The following ERBB4 variants were observed in gnomAD, a reference collection of about 807,000 sequenced individuals.
The protein encoded by ERBB4 is erb-b2 receptor tyrosine kinase 4.
ERBB4 carries 42 observed loss-of-function variants against 158.0 expected under a neutral mutation model. That is an observed-to-expected ratio of 0.27 (90% CI 0.21 to 0.34). The LOEUF is 0.34. ERBB4 is among the 10% of genes least tolerant of loss of function. The pLI is 1.00. For missense variants in ERBB4, 1,333 were observed against 1,624.1 expected (o/e 0.82, Z 3.08); for synonymous variants, 583 against 558.7 (o/e 1.04, Z -0.61).
At chr2:211,557,096 C>T (rs960668455) in intron 20 of ERBB4, among the ~76,000 whole-genome samples, 5 of 152,122 alleles carry the variant, frequency 3.3e-5, no homozygotes, top group African/African-American at 4.8e-5. Context: ...CTTCCTTACA[C>T]CATATACAAA....
At chr2:212,298,599 G>T (rs1468458258) in intron 1 of ERBB4, among the ~76,000 whole-genome samples, 2 of 151,588 alleles carry the variant, frequency 1.3e-5, no homozygotes, top group Non-Finnish European at 3.0e-5. Flanking sequence ...ACTACCTGAG[G>T]AACTCACTAC....
chr2:211,403,359 A>T (rs1053784619), intron 25 of ERBB4, among the ~76,000 whole-genome samples: 1 of 152,138 alleles, frequency 6.6e-6, no homozygotes, highest in Non-Finnish European at 1.5e-5. Context: ...AATTCATTCA[A>T]GCCCTTCTTC....
intron 16 of ERBB4, among the ~76,000 whole-genome samples, chr2:211,642,107 G>A (rs1479607412): frequency 6.6e-6 from 1 of 151,978 alleles, no homozygotes; most frequent in Non-Finnish European, 1.5e-5. Flanking sequence ...GGAAAAAGCA[G>A]AATATTTTCT....
At chr2:212,490,291 G>T (rs1575017663) in intron 1 of ERBB4, among the ~76,000 whole-genome samples, 1 of 151,788 alleles carries the variant, frequency 6.6e-6, no homozygotes, top group African/African-American at 2.4e-5. Context: ...ACAATGCCTT[G>T]CACATAGCGA....
intron 3 of ERBB4, among the ~76,000 whole-genome samples, chr2:211,876,052 T>C (rs2078490891): frequency 6.6e-6 from 1 of 152,152 alleles, no homozygotes; most frequent in African/African-American, 2.4e-5. Context: ...CACATGACTG[T>C]ACTTCTGAAA....
chr2:211,610,565 T>G (rs1272871094), intron 19 of ERBB4, among the ~76,000 whole-genome samples: 3 of 152,108 alleles, frequency 2.0e-5, no homozygotes, highest in African/African-American at 7.2e-5. Context: ...TCAAACTGAG[T>G]GGGGATTTTT....
chr2:212,171,227 G>A (rs1185040302), intron 1 of ERBB4, among the ~76,000 whole-genome samples: 1 of 152,012 alleles, frequency 6.6e-6, no homozygotes, highest in Non-Finnish European at 1.5e-5. Flanking sequence ...CTTGCATGGG[G>A]CCTGTATCCC....
intron 7 of ERBB4, among the ~76,000 whole-genome samples, chr2:211,715,866 G>A (rs2073878272): frequency 1.3e-5 from 2 of 152,138 alleles, no homozygotes; most frequent in Admixed American, 6.5e-5. Flanking sequence ...CTTTATAGCA[G>A]TGTAAGAACC....
At position 211,635,120 on chromosome 2, in the gene ERBB4, T is replaced by G. The variant is rs1448557537; in HGVS notation, c.1947-4526A>C. Among the ~76,000 whole-genome samples the G allele has an allele frequency of 5.3e-5, 8 of 152,320 alleles. No individual in the cohort carries two copies. The East Asian group carries it at 1.5e-3, about 29-fold the overall frequency. ...ATTGCAATTTTTTTGTCTTGTCTTT[T>G]GGCTGTCCATTAAAAATGGTTGAGA... On this transcript the variant is annotated intron_variant, in intron 16 of 27. Coordinates refer to ENST00000342788, the MANE Select transcript of ERBB4 (RefSeq NM_005235.3).
chr2:212,243,440 T>C (rs1267699490), intron 1 of ERBB4, among the ~76,000 whole-genome samples: 1 of 151,586 alleles, frequency 6.6e-6, no homozygotes, highest in Admixed American at 6.6e-5. Flanking sequence ...TATCACCATA[T>C]AAAGAAAAAG....
In ERBB4 at chr2:211,939,482, C is replaced by T. The variant is rs545645756; in HGVS notation, c.421+7948G>A. Among the ~76,000 whole-genome samples, 9 of 151,712 alleles carry T rather than the reference C, an allele frequency of 5.9e-5. No homozygotes were observed. In the East Asian group the frequency reaches 7.8e-4, roughly 13 times the overall value. On this transcript the variant is annotated intron_variant, in intron 3 of 27. Transcript: ENST00000342788. ...TTACAATTATCATGCCTTTGGTAAA[C>T]GCTGGAAGAGAACAACATGTAGCCT...
chr2:211,717,187 A>G (rs537393749), intron 7 of ERBB4, among the ~76,000 whole-genome samples: 1 of 152,334 alleles, frequency 6.6e-6, no homozygotes, highest in South Asian at 2.1e-4. Context: ...GTAGTAGATT[A>G]GGTAGTAGTA....
chr2:211,813,730 G>C lies in ERBB4; in HGVS notation c.422-25571C>G, dbSNP rs1479838759. On this transcript the variant is annotated intron_variant, in intron 3 of 27. Transcript: ENST00000342788. Reference sequence around the variant, plus strand: ...TCAAGAAAGACAGGACAGTAAACTAGTTCTCATTGCCTTTCAGAAACCTTG... The same window carrying C: ...TCAAGAAAGACAGGACAGTAAACTACTTCTCATTGCCTTTCAGAAACCTTG... Among the ~76,000 whole-genome samples, 5 of 151,672 alleles carry C rather than the reference G, an allele frequency of 3.3e-5. No individual in the cohort carries two copies. The South Asian group carries it at 1.1e-3, about 32-fold the overall frequency.
chr2:212,532,705 C>G (rs1692822049), intron 1 of ERBB4, among the ~76,000 whole-genome samples: 1 of 152,200 alleles, frequency 6.6e-6, no homozygotes, highest in Non-Finnish European at 1.5e-5. Flanking sequence ...TATTCGCTAG[C>G]ATCACACAAT....
intron 1 of ERBB4, among the ~76,000 whole-genome samples, chr2:212,428,713 A>T (rs1374674522): frequency 1.3e-5 from 2 of 152,216 alleles, no homozygotes; most frequent in East Asian, 3.8e-4. Context: ...AAAGTAAAAT[A>T]AAACCTTAAG....
intron 18 of ERBB4, among the ~76,000 whole-genome samples, chr2:211,622,055 T>C (rs1242173215): frequency 2.0e-5 from 3 of 152,208 alleles, no homozygotes; most frequent in Non-Finnish European, 4.4e-5. Flanking sequence ...TCAGTATGGA[T>C]CAAATTCACA....
chr2:212,185,593 C>T (rs2081993858), intron 1 of ERBB4, among the ~76,000 whole-genome samples: 2 of 152,014 alleles, frequency 1.3e-5, no homozygotes, highest in South Asian at 2.1e-4. Flanking sequence ...CGGTGGGATG[C>T]TTAGGGAGAA....
At chr2:211,741,836 G>A (rs2074810842) in intron 5 of ERBB4, among the ~76,000 whole-genome samples, 1 of 152,120 alleles carries the variant, frequency 6.6e-6, no homozygotes, top group Non-Finnish European at 1.5e-5. Flanking sequence ...TTTGAGAAAA[G>A]TCATTAAATT....
intron 1 of ERBB4, among the ~76,000 whole-genome samples, chr2:212,408,105 C>T (rs1018977419): frequency 1.3e-5 from 2 of 151,676 alleles, no homozygotes; most frequent in Non-Finnish European, 2.9e-5. Context: ...TTTTTAAGTT[C>T]TGAGGTACAT....
Sources: gnomAD v4.1 joint callset for allele counts (sites outside exome capture counted in the v4.1 genomes callset) on GRCh38, gnomAD v4.1.1 for gene constraint, MANE v1.5 for transcripts, NCBI Gene and HGNC (gene_info 2026-07-23, HGNC 2026-07-21) for gene names.